TMEM255A: variants seen among roughly 807,000 people sequenced by gnomAD.
TMEM255A encodes the protein transmembrane protein 255A, also known as family with sequence similarity 70, member A.
A neutral mutation model predicts 23.5 loss-of-function variants in TMEM255A; 14 were observed. That is an observed-to-expected ratio of 0.60 (90% confidence interval 0.39 to 0.93). The LOEUF is 0.93. Among genes scored for constraint, TMEM255A ranks in the 40% least tolerant of loss-of-function variants. TMEM255A has a pLI of 0.00. For synonymous variants in TMEM255A, 104 were observed against 100.3 expected (o/e 1.04, Z -0.22); for missense variants, 233 against 261.7 (o/e 0.89, Z 0.76).
chrX:120,293,548 C>A (rs2057931720), intron 3 of TMEM255A, among the ~76,000 whole-genome samples: 1 of 112,619 alleles, frequency 8.9e-6, no homozygotes, highest in African/African-American at 3.2e-5. Context: ...TTGTAATCTC[C>A]TAAAAGGCAG....
chrX:120,262,688 C>A (rs1248230448), intron 8 of TMEM255A, among the ~76,000 whole-genome samples: 1 of 111,973 alleles, frequency 8.9e-6, no homozygotes, highest in Non-Finnish European at 1.9e-5. Flanking sequence ...ACTAAGAACT[C>A]TCTCCTCTTA....
At position 120,276,858 on chromosome X, in the gene TMEM255A, G is replaced by A. The variant is rs369687277; in HGVS notation, c.675+27C>T. The A allele has an allele frequency of 3.3e-6, 4 of 1,198,485 alleles. No homozygotes were observed. The African/African-American group carries it at 7.0e-5, about 21-fold the overall frequency. ...CCCTATGTCCAACAGGGGCCACTGT[G>A]AAATGCAAAGTCAATTCTTTCCTTA... On this transcript the variant is annotated intron_variant, in intron 7 of 8. Transcript: ENST00000371369.
downstream of TMEM255A, chrX:120,254,054 A>G (rs1236110563): frequency 7.4e-6 from 9 of 1,208,988 alleles, no homozygotes; most frequent in African/African-American, 3.5e-5. Context: ...GTAATAACAC[A>G]GTGGCACAGG....
At chrX:120,252,303 A>G in the TMEM255A span, among the ~76,000 whole-genome samples, 1 of 111,036 alleles carries the variant, frequency 9.0e-6, no homozygotes, top group Admixed American at 9.5e-5. Flanking sequence ...TTGTTAATAT[A>G]TAATATCCAT....
Position 120,260,904 on chromosome X carries a change from G to A in TMEM255A, c.944C>T (p.Pro315Leu), listed in dbSNP as rs1556016501. Residue 315 changes from proline (P) to leucine (L), a missense_variant, in exon 9 of 9, where the codon CCA becomes CTA. By Grantham distance (98) the Pro-to-Leu change is moderately conservative. Coordinates refer to ENST00000371369, the MANE Select transcript of TMEM255A (RefSeq NM_001104544.3). ...APPRYSPPYY[P>L]PFEKPPPYSP is the part of the protein sequence containing the mutation. The stretch of plus-strand genomic sequence containing the variant: ...GTAAGGTGGTGGCTTTTCAAAAGGT[G>A]GATAGTAGGGTGGAGAGTAACGGGG... The A allele has an allele frequency of 8.3e-7, 1 of 1,203,606 alleles. No individual in the cohort carries two copies. The highest frequency in any genetic ancestry group is 1.8e-5 in the South Asian group (1 of 55,565).
chrX:120,257,828 G>GT (rs1454479206), downstream of TMEM255A: 26 of 122,532 alleles, frequency 2.1e-4, no homozygotes, highest in Non-Finnish European at 7.6e-5. Context: ...TTACCATATT[G>GT]TTTTTTTATC....
At chrX:120,269,120 TC>T (rs1428425020) in intron 7 of TMEM255A, among the ~76,000 whole-genome samples, 2 of 63,996 alleles carry the variant, frequency 3.1e-5, no homozygotes, top group Non-Finnish European at 6.3e-5. Context: ...AATATATTGA[TC>T]CCCCCACCTT....
At chrX:120,302,474 C>A (rs995221384) in intron 2 of TMEM255A, among the ~76,000 whole-genome samples, 94 of 109,798 alleles carry the variant, frequency 8.6e-4, no homozygotes, top group Middle Eastern at 4.7e-3. Context: ...TATCTTACCC[C>A]CTCTGTTCCT....
intron 5 of TMEM255A, chrX:120,285,837 C>T (rs1556021741): frequency 8.3e-7 from 1 of 1,202,608 alleles, no homozygotes. Context: ...ACATTTTACA[C>T]ATTTTGAGTT....
chrX:120,262,891 T>C (rs1453239285), intron 8 of TMEM255A, among the ~76,000 whole-genome samples: 1 of 112,156 alleles, frequency 8.9e-6, no homozygotes, highest in African/African-American at 3.2e-5. Context: ...CTGAGAGGCA[T>C]TAAAAGGCTT....
At chrX:120,255,978 C>T (rs1228836798), downstream of TMEM255A, 1 of 123,689 alleles carries the variant, frequency 8.1e-6, no homozygotes, top group Non-Finnish European at 1.9e-5. Context: ...CTGCTACCCT[C>T]CCTCTATGAA....
In TMEM255A at chrX:120,296,002, T is replaced by G. The variant is rs782593581; in HGVS notation, c.202-1951A>C. ...TTCCTTGTTCCATCTTGTCTCCCCC[T>G]CTGATGTTCCACGGCTTCTATTTTT... On this transcript the variant is annotated intron_variant, in intron 2 of 8. Coordinates refer to ENST00000371369, the MANE Select transcript of TMEM255A (RefSeq NM_001104544.3). 1.3e-4 allele frequency among the ~76,000 whole-genome samples: 15 copies of G among 112,245 alleles called. 1 individual carries two copies. The East Asian group carries it at 2.2e-3, about 17-fold the overall frequency.
chrX:120,301,723 A>T (rs1392449338), intron 2 of TMEM255A, among the ~76,000 whole-genome samples: 1 of 111,707 alleles, frequency 9.0e-6, no homozygotes, highest in African/African-American at 3.3e-5. Context: ...GGGAGTAGAG[A>T]TCTGCATTTT....
chrX:120,303,772 G>T (rs1556026466), intron 2 of TMEM255A, among the ~76,000 whole-genome samples: 2 of 110,737 alleles, frequency 1.8e-5, no homozygotes, highest in Non-Finnish European at 3.8e-5. Flanking sequence ...TTCACATGAA[G>T]ATATTAAAAG....
intron 3 of TMEM255A, among the ~76,000 whole-genome samples, chrX:120,293,776 C>T (rs1556023460): frequency 8.9e-6 from 1 of 112,254 alleles, no homozygotes. Flanking sequence ...AGGAATCTAG[C>T]TAGGCCAGTG....
intron 8 of TMEM255A, among the ~76,000 whole-genome samples, chrX:120,265,595 A>G (rs2057711254): frequency 8.9e-6 from 1 of 111,938 alleles, no homozygotes; most frequent in South Asian, 3.8e-4. Context: ...GCTTAGATTC[A>G]CAACTTCAAA....
At chrX:120,280,007 T>C (rs2057827051) in intron 6 of TMEM255A, among the ~76,000 whole-genome samples, 1 of 84,780 alleles carries the variant, frequency 1.2e-5, no homozygotes, top group African/African-American at 4.3e-5. Flanking sequence ...TCTTTTTTTT[T>C]TTTTTTTTTT....
the TMEM255A span, chrX:120,253,374 C>G: frequency 4.5e-6 from 5 of 1,121,200 alleles, no homozygotes; most frequent in African/African-American, 9.2e-5. Context: ...TGTTTTTTCT[C>G]TCTAATCCTC....
At chrX:120,301,872 C>T (rs1316840385) in intron 2 of TMEM255A, among the ~76,000 whole-genome samples, 1 of 111,617 alleles carries the variant, frequency 9.0e-6, no homozygotes, top group African/African-American at 3.3e-5. Flanking sequence ...GATTCTCAGG[C>T]GTTTACTGTT....
Sources: allele counts gnomAD v4.1 joint callset (sites outside exome capture counted in the v4.1 genomes callset), GRCh38; gene constraint gnomAD v4.1.1; transcripts MANE v1.5; gene names NCBI Gene and HGNC (gene_info 2026-07-23, HGNC 2026-07-21).